PHLDB3: variants seen among roughly 807,000 people sequenced by gnomAD.
The protein encoded by PHLDB3 is pleckstrin homology like domain family B member 3.
A neutral mutation model predicts 85.7 loss-of-function variants in PHLDB3; 86 were observed. The ratio of observed to expected loss-of-function variants is 1.00; its 90% CI spans 0.84 to 1.20. The LOEUF is 1.20. Ranked by LOEUF, PHLDB3 falls within the 50% of genes most tolerant of loss-of-function variation. PHLDB3 has a pLI of 0.00. For missense variants in PHLDB3, 995 were observed against 873.0 expected, an observed-to-expected ratio of 1.14 and a Z score of -1.76; for synonymous variants, 376 against 349.8, an observed-to-expected ratio of 1.07 and a Z score of -0.83.
chr19:43,495,962 C>A (rs923370315), intron 6 of PHLDB3: 1 of 200,692 alleles, frequency 5.0e-6, no homozygotes, highest in African/African-American at 2.3e-5. Context: ...GAAAAGCCAG[C>A]GGGAGAGGAA....
At chr19:43,487,176 A>G in intron 9 of PHLDB3, 53 bp from the exon 10 acceptor site, 1 of 1,460,210 alleles carries the variant, frequency 6.8e-7, no homozygotes, top group South Asian at 1.2e-5. Flanking sequence ...TCTCCAACCT[A>G]AGTCAGAGCA....
Position 43,494,743 on chromosome 19 carries a change from G to T in PHLDB3, c.1108C>A (p.Pro370Thr), listed in dbSNP as rs753551647. 6.2e-7 allele frequency: 1 copy of T among 1,613,370 alleles called. No homozygotes were observed. Among genetic ancestry groups the T allele is most frequent in the South Asian group, 1.1e-5 (1 of 90,952 alleles). ...QDAVAHSAATPTSSCLFSVHS... is the reference protein window; with the variant it reads ...QDAVAHSAATTTSSCLFSVHS... Reference sequence around the variant, plus strand: ...ACAGAAAAGAGGCAGGAAGAAGTAGGGGTGGCAGCGGAGTGGGCCACGGCA... The same window carrying T: ...ACAGAAAAGAGGCAGGAAGAAGTAGTGGTGGCAGCGGAGTGGGCCACGGCA... Residue 370 changes from proline (P) to threonine (T), a missense_variant, in exon 9 of 16, where the codon CCT becomes ACT. Coordinates refer to ENST00000292140, the MANE Select transcript of PHLDB3 (RefSeq NM_198850.4).
intron 9 of PHLDB3, among the ~76,000 whole-genome samples, chr19:43,487,782 A>G (rs930593054): frequency 2.0e-5 from 3 of 151,976 alleles, no homozygotes; most frequent in Non-Finnish European, 4.4e-5. Context: ...GAATATACTA[A>G]AAGACACAGA....
chr19:43,486,880 A>G lies in PHLDB3; in HGVS notation c.1250-10T>C. The G allele has an allele frequency of 6.5e-7, 1 of 1,540,610 alleles. No individual in the cohort carries two copies. Among genetic ancestry groups the G allele is most frequent in the East Asian group, 2.3e-5 (1 of 44,036 alleles). On this transcript the variant is annotated splice_polypyrimidine_tract_variant and intron_variant, in intron 10 of 15. Transcript: ENST00000292140. Reference sequence around the variant, plus strand: ...GAGGCCTCCAGGGATTCTAGGGTAGAGGGGACCAGGTTACAGGGCTGGATA... The same window carrying G: ...GAGGCCTCCAGGGATTCTAGGGTAGGGGGGACCAGGTTACAGGGCTGGATA...
intron 15 of PHLDB3, among the ~76,000 whole-genome samples, chr19:43,477,513 T>C (rs1376309349): frequency 1.5e-5 from 2 of 130,342 alleles, no homozygotes; most frequent in Non-Finnish European, 3.2e-5. Context: ...CCAGACTCCA[T>C]CTAAAAAAAA....
At chr19:43,482,102 AAT>A (rs34020662) in intron 13 of PHLDB3, among the ~76,000 whole-genome samples, 8,140 of 152,186 alleles carry the variant, frequency 0.053, 384 homozygotes, top group Admixed American at 0.13. Flanking sequence ...AGAACCCATT[AAT>A]GTTCCTGCTA....
At chr19:43,479,232 AG>A in intron 14 of PHLDB3, 144 bp downstream of exon 14, 3 of 763,808 alleles carry the variant, frequency 3.9e-6, no homozygotes. Context: ...CCTGGGTTGT[AG>A]GGAAGTTAGG....
In PHLDB3 at chr19:43,485,024, TTAAAAA is replaced by T. The variant is rs953792218; in HGVS notation, c.1485+1236_1485+1241del. ...GACTTATGAGAAAAAAAGAAAAATA[TTAAAAA>T]TAAAAATAAAATATATATACCTAGT... is the stretch of plus-strand genomic sequence containing the variant. On this transcript the variant is annotated intron_variant, in intron 13 of 15. Transcript: ENST00000292140. Among the ~76,000 whole-genome samples, 15 of 151,456 alleles carry T rather than the reference TTAAAAA, an allele frequency of 9.9e-5. 1 individual carries two copies. Among genetic ancestry groups the T allele is most frequent in the Admixed American group, 7.9e-4 (12 of 15,196 alleles).
At chr19:43,501,938 A>T in intron 3 of PHLDB3, 67 bp from the exon 4 acceptor site, 3 of 1,504,754 alleles carry the variant, frequency 2.0e-6, no homozygotes, top group Non-Finnish European at 2.7e-6. Context: ...CAGGGCCTGA[A>T]CTACCGGATT....
chr19:43,499,440 C>T (rs937443434), intron 4 of PHLDB3, among the ~76,000 whole-genome samples: 12 of 152,002 alleles, frequency 7.9e-5, no homozygotes, highest in African/African-American at 2.9e-4. Context: ...GTCTGGACTC[C>T]TGGGACAGAG....
In PHLDB3 at chr19:43,487,445, C is replaced by T. The variant is rs1255741882; in HGVS notation, c.1150-322G>A. Among the ~76,000 whole-genome samples, 49 of 151,474 alleles carry T rather than the reference C, an allele frequency of 3.2e-4. 1 individual carries two copies. The highest frequency in any genetic ancestry group is 2.1e-4 in the South Asian group (1 of 4,780). ...CAGAAATTAGCCGGGCATGGTGGCA[C>T]GCGCCTGTAGTCCCAGCTACTCGGG... On this transcript the variant is annotated intron_variant, in intron 9 of 15. Transcript: ENST00000292140.
At chr19:43,500,833 G>C (rs1490558785) in intron 4 of PHLDB3, among the ~76,000 whole-genome samples, 2 of 145,590 alleles carry the variant, frequency 1.4e-5, no homozygotes. Flanking sequence ...CAGAAACGGT[G>C]TCTTATTATA....
chr19:43,504,216 A>G (rs1213396615), intron 1 of PHLDB3, 84 bp from the exon 2 acceptor site: 2 of 1,194,688 alleles, frequency 1.7e-6, no homozygotes, highest in African/African-American at 3.2e-5. Context: ...GGGCGCGGAG[A>G]CCCCCCCCCA....
At chr19:43,493,479 C>T (rs949592112) in intron 9 of PHLDB3, among the ~76,000 whole-genome samples, 2 of 151,722 alleles carry the variant, frequency 1.3e-5, no homozygotes, top group African/African-American at 4.8e-5. Context: ...ACAAAAATAA[C>T]TTCAAAAATC....
At chr19:43,503,449 C>T (rs933611167) in intron 2 of PHLDB3, among the ~76,000 whole-genome samples, 8 of 152,196 alleles carry the variant, frequency 5.3e-5, no homozygotes, top group Non-Finnish European at 8.8e-5. Context: ...ATTACAGGCA[C>T]GCGGCACTGC....
At chr19:43,490,195 G>A (rs1013206594) in intron 9 of PHLDB3, among the ~76,000 whole-genome samples, 2 of 152,120 alleles carry the variant, frequency 1.3e-5, no homozygotes, top group Non-Finnish European at 2.9e-5. Context: ...AACTGTGGTT[G>A]TGTAAGAGAA....
chr19:43,479,330 G>C (rs1361206452), intron 14 of PHLDB3, 47 bp downstream of exon 14: 11 of 1,531,218 alleles, frequency 7.2e-6, no homozygotes, highest in Non-Finnish European at 9.7e-6. Context: ...GGCCTCCGGA[G>C]TGGAATTCCA....
chr19:43,503,570 G>C (rs1014609661), intron 2 of PHLDB3, among the ~76,000 whole-genome samples: 28 of 152,040 alleles, frequency 1.8e-4, no homozygotes, highest in African/African-American at 6.3e-4. Context: ...GCCTCCCCAA[G>C]TGCTGGGATT....
At chr19:43,487,920 G>C (rs539509364) in intron 9 of PHLDB3, among the ~76,000 whole-genome samples, 45 of 152,042 alleles carry the variant, frequency 3.0e-4, no homozygotes, top group African/African-American at 1.1e-3. Flanking sequence ...TTGGGAGGCC[G>C]AGGCGGGTGA....
Sources: allele counts gnomAD v4.1 joint callset (sites outside exome capture counted in the v4.1 genomes callset), GRCh38; gene constraint gnomAD v4.1.1; transcripts MANE v1.5; gene names NCBI Gene and HGNC (gene_info 2026-07-23, HGNC 2026-07-21).